Variants in TCF25 observed in about 807,000 individuals in gnomAD.
TCF25 encodes ribosome quality control complex subunit TCF25.
Under a neutral mutation model 83.1 loss-of-function variants are expected in TCF25, and 41 were observed. That is an observed-to-expected ratio of 0.49 (90% CI 0.38 to 0.64). The LOEUF (loss-of-function observed/expected upper bound fraction) is 0.64, where lower values mean the gene tolerates loss of function less well. TCF25 is among the 30% of genes least tolerant of loss of function. TCF25 has a pLI of 0.00. For synonymous variants in TCF25, 458 were observed against 365.0 expected, an observed-to-expected ratio of 1.25 and a Z score of -2.90; for missense variants, 979 against 914.5, an observed-to-expected ratio of 1.07 and a Z score of -0.91.
At position 89,878,762 on chromosome 16, in the gene TCF25, T is replaced by C. The variant is rs2042379533; in HGVS notation, c.193-4589T>C. 14 of 685,964 alleles carry C rather than the reference T, an allele frequency of 2.0e-5. No homozygotes were observed. The South Asian group carries it at 6.3e-4, about 31-fold the overall frequency. The allele number at this position is 685,964 out of a possible 1,614,324, so 42.5% of individuals were successfully genotyped here. On this transcript the variant is annotated intron_variant, in intron 1 of 17. Coordinates refer to ENST00000263346, the MANE Select transcript of TCF25 (RefSeq NM_014972.3). ...TTCACTCCATTGTCCAGCCTCAGCC[T>C]CCTGAGTAGCTGGGACTACAGGCGC...
chr16:89,895,524 A>G (rs979562472), intron 8 of TCF25, among the ~76,000 whole-genome samples: 2 of 152,206 alleles, frequency 1.3e-5, no homozygotes, highest in African/African-American at 2.4e-5. Flanking sequence ...TTTATTTACA[A>G]TGAAGTTTTC....
At chr16:89,904,278 C>T in intron 13 of TCF25, 73 bp downstream of exon 13, 1 of 1,472,036 alleles carries the variant, frequency 6.8e-7, no homozygotes, top group Admixed American at 2.0e-5. Context: ...TTCACTCATC[C>T]TGAGAGGCCC....
chr16:89,883,270 T>TCA, intron 1 of TCF25, 81 bp from the exon 2 acceptor site: 3 of 1,555,758 alleles, frequency 1.9e-6, no homozygotes, highest in Non-Finnish European at 2.6e-6. Context: ...GCAAGCCCGT[T>TCA]CACATCTCAC....
intron 2 of TCF25, 178 bp downstream of exon 2, chr16:89,883,690 TG>T: frequency 2.8e-6 from 2 of 712,364 alleles, no homozygotes; most frequent in Non-Finnish European, 4.5e-6. Context: ...ATGAAATGAG[TG>T]AAGGTCGCAG....
intron 5 of TCF25, 150 bp downstream of exon 5, chr16:89,887,867 G>A (rs865790509): frequency 1.7e-5 from 11 of 650,588 alleles, no homozygotes; most frequent in African/African-American, 7.7e-5. Flanking sequence ...GGGTCTGAAT[G>A]GGAGTCCACA....
intron 1 of TCF25, among the ~76,000 whole-genome samples, chr16:89,878,160 G>A (rs1567691850): frequency 1.3e-5 from 2 of 152,106 alleles, no homozygotes; most frequent in South Asian, 4.2e-4. Context: ...CTCACCTGTG[G>A]TCACAGCTAC....
chr16:89,909,509 CAA>C (rs11356338), intron 16 of TCF25: 166 of 63,948 alleles, frequency 2.6e-3, no homozygotes, highest in Middle Eastern at 9.8e-3. Flanking sequence ...GACTCCGTCT[CAA>C]AAAAAAAAAA....
chr16:89,878,910 G>C (rs1330703449), intron 1 of TCF25, among the ~76,000 whole-genome samples: 2 of 152,200 alleles, frequency 1.3e-5, no homozygotes, highest in African/African-American at 4.8e-5. Flanking sequence ...CAAAGTGCTG[G>C]GATTACAGGC....
At chr16:89,887,598 A>T in intron 4 of TCF25, 54 bp from the exon 5 acceptor site, 1 of 1,489,222 alleles carries the variant, frequency 6.7e-7, no homozygotes. Flanking sequence ...AAGCTTTTGG[A>T]ATCGTCTTAG....
intron 4 of TCF25, among the ~76,000 whole-genome samples, 176 bp from the exon 5 acceptor site, chr16:89,887,476 G>A (rs2043105500): frequency 6.6e-6 from 1 of 152,224 alleles, no homozygotes; most frequent in African/African-American, 2.4e-5. Flanking sequence ...CATGGTGCCC[G>A]CAGTGGCGAG....
At position 89,895,134 on chromosome 16, in the gene TCF25, G is replaced by A. The variant is rs374437393; in HGVS notation, c.925G>A (p.Val309Ile). ...QEDQEMARDL[V>I]ERALYSMECA... ...GGATCAGGAGATGGCTCGAGACCTC[G>A]TAGGTAAGGCAGAGCCCCCACCCCA... The change falls in exon 8 of 18, where the codon GTA becomes ATA. Residue 309 changes from valine to isoleucine, a missense_variant. Physicochemically the swap from Val to Ile is conservative, Grantham distance 29 (BLOSUM62 3). Coordinates refer to ENST00000263346, the MANE Select transcript of TCF25 (RefSeq NM_014972.3). 12 of 1,612,064 alleles carry A rather than the reference G, an allele frequency of 7.4e-6. No individual in the cohort carries two copies. The highest frequency in any genetic ancestry group is 9.3e-6 in the Non-Finnish European group (11 of 1,179,228).
chr16:89,893,406 T>C (rs2144118401), intron 6 of TCF25, among the ~76,000 whole-genome samples: 1 of 152,358 alleles, frequency 6.6e-6, no homozygotes, highest in Admixed American at 6.5e-5. Context: ...CGTGGTCAGA[T>C]CTGGCGATCT....
intron 5 of TCF25, among the ~76,000 whole-genome samples, chr16:89,888,118 A>T (rs1001880773): frequency 4.4e-4 from 67 of 151,672 alleles, no homozygotes; most frequent in African/African-American, 1.6e-3. Context: ...TACAAAAATT[A>T]GCTGGGCGTG....
rs1168991920 is a variant in TCF25 at position 89,910,341 on chromosome 16, C to A, written c.1800-250C>A. 1.1e-4 allele frequency: 62 copies of A among 552,800 alleles called. No homozygotes were observed. The East Asian group carries it at 1.9e-3, about 17-fold the overall frequency. The allele number at this position is 552,800 out of a possible 1,614,324, so 34.2% of individuals were successfully genotyped here. A position where few individuals can be genotyped will look rare whatever the true frequency, so the allele number is the denominator to read the frequency against. On this transcript the variant is annotated intron_variant, in intron 16 of 17. Transcript: ENST00000263346. ...TGTGGGAGCCTCGCTCCGGACGCCA[C>A]GCCTGCCTCAGCTGAGTTGGTCTCC...
chr16:89,883,559 A>T (rs2042761465), intron 2 of TCF25, 47 bp downstream of exon 2: 1 of 1,541,992 alleles, frequency 6.5e-7, no homozygotes, highest in Admixed American at 2.0e-5. Context: ...GGAGAGTTCC[A>T]AGGCACCCAG....
At chr16:89,901,127 C>T (rs982429608) in intron 12 of TCF25, 10 of 227,552 alleles carry the variant, frequency 4.4e-5, no homozygotes, top group African/African-American at 8.7e-5. Flanking sequence ...GGGAAGGTCT[C>T]GGCAGCGCCG....
At chr16:89,902,716 G>A (rs188975094) in intron 12 of TCF25, among the ~76,000 whole-genome samples, 1 of 132,486 alleles carries the variant, frequency 7.5e-6, no homozygotes, top group East Asian at 3.5e-4. Context: ...AAAAAAGACG[G>A]GCCTCCTCCG....
At chr16:89,909,191 TGGCAAACCCCGTCTCAACTA>T (rs2045335094) in intron 16 of TCF25, 9 of 1,245,922 alleles carry the variant, frequency 7.2e-6, no homozygotes, top group Non-Finnish European at 9.4e-6. Flanking sequence ...CTGGCCAACA[TGGCAAACCCCGTCTCAACTA>T]AAAATACAAA....
intron 12 of TCF25, among the ~76,000 whole-genome samples, chr16:89,901,448 C>A (rs984033612): frequency 2.7e-5 from 4 of 150,238 alleles, no homozygotes; most frequent in African/African-American, 9.9e-5. Context: ...GAAATCCCTC[C>A]TTAAGACGGG....
Sources: allele counts gnomAD v4.1 joint callset (sites outside exome capture counted in the v4.1 genomes callset), GRCh38; gene constraint gnomAD v4.1.1; transcripts MANE v1.5; gene names NCBI Gene and HGNC (gene_info 2026-07-23, HGNC 2026-07-21).